ARB2A: variants seen among roughly 807,000 people sequenced by gnomAD.
ARB2A encodes the protein cotranscriptional regulator ARB2A.
At chr5:93,687,242 T>A in the ARB2A span, among the ~76,000 whole-genome samples, 1 of 152,282 alleles carries the variant, frequency 6.6e-6, no homozygotes, top group South Asian at 2.1e-4. Context: ...ATTTAATTGA[T>A]TTTTTGCAGA....
chr5:93,767,180 AAAGTAT>A, the ARB2A span, among the ~76,000 whole-genome samples: 2 of 152,296 alleles, frequency 1.3e-5, no homozygotes, highest in Admixed American at 6.5e-5. Flanking sequence ...CTTAAAACTT[AAAGTAT>A]AATAAAGAAA....
At chr5:93,964,467 T>C in the ARB2A span, 169 of 1,569,904 alleles carry the variant, frequency 1.1e-4, no homozygotes, top group Non-Finnish European at 1.4e-4. Flanking sequence ...CTGGAATAGA[T>C]ACTTTTTTCA....
At chr5:93,890,406 T>C in the ARB2A span, among the ~76,000 whole-genome samples, 2 of 151,936 alleles carry the variant, frequency 1.3e-5, no homozygotes, top group South Asian at 4.2e-4. Context: ...CACTTAATAA[T>C]GTTCTTTTCA....
the ARB2A span, among the ~76,000 whole-genome samples, chr5:93,986,988 G>A: frequency 9.9e-5 from 15 of 150,958 alleles, no homozygotes; most frequent in African/African-American, 3.2e-4. Flanking sequence ...CCCCCTCTCC[G>A]AGAAACACCC....
chr5:93,727,741 T>C, the ARB2A span, among the ~76,000 whole-genome samples: 1 of 152,018 alleles, frequency 6.6e-6, no homozygotes, highest in African/African-American at 2.4e-5. Flanking sequence ...GAGATATTCT[T>C]AAGAAATAGA....
At chr5:93,977,247 C>G in the ARB2A span, among the ~76,000 whole-genome samples, 11 of 151,776 alleles carry the variant, frequency 7.2e-5, no homozygotes, top group African/African-American at 2.7e-4. Flanking sequence ...TTAGAAAAAG[C>G]TATTCTAAAA....
At chr5:93,946,744 C>T in the ARB2A span, among the ~76,000 whole-genome samples, 1 of 152,202 alleles carries the variant, frequency 6.6e-6, no homozygotes, top group East Asian at 1.9e-4. Flanking sequence ...GATACTATGT[C>T]TTGGTTTTAC....
chr5:94,024,105 T>C, the ARB2A span, among the ~76,000 whole-genome samples: 2 of 152,180 alleles, frequency 1.3e-5, no homozygotes, highest in African/African-American at 4.8e-5. Flanking sequence ...TTATATGTGA[T>C]GGTTAATTTT....
At chr5:93,719,944 C>T in the ARB2A span, among the ~76,000 whole-genome samples, 76 of 152,284 alleles carry the variant, frequency 5.0e-4, no homozygotes, top group African/African-American at 1.7e-3. Context: ...GTAGGTTCCT[C>T]CTCTTCCAGT....
the ARB2A span, among the ~76,000 whole-genome samples, chr5:94,055,360 T>C: frequency 2.0e-5 from 3 of 152,140 alleles, no homozygotes; most frequent in Non-Finnish European, 2.9e-5. Flanking sequence ...CTCACAGAAA[T>C]ATAACAAATC....
At chr5:93,750,937 G>T in the ARB2A span, among the ~76,000 whole-genome samples, 10 of 152,048 alleles carry the variant, frequency 6.6e-5, no homozygotes, top group Non-Finnish European at 1.3e-4. Context: ...TCCTTGAAGA[G>T]AATTTTTAAA....
chr5:93,980,898 C>T, the ARB2A span, among the ~76,000 whole-genome samples: 2 of 151,816 alleles, frequency 1.3e-5, no homozygotes, highest in South Asian at 4.1e-4. Flanking sequence ...AGATAATATG[C>T]CTATAGCTCT....
chr5:93,641,223 C>A, the ARB2A span, among the ~76,000 whole-genome samples: 1 of 151,272 alleles, frequency 6.6e-6, no homozygotes, highest in African/African-American at 2.4e-5. Context: ...AATTATGAGG[C>A]CATGAAAGTT....
chr5:94,042,875 G>A, the ARB2A span, among the ~76,000 whole-genome samples: 1 of 152,050 alleles, frequency 6.6e-6, no homozygotes, highest in Non-Finnish European at 1.5e-5. Context: ...TTACAAAATT[G>A]TGTAAGATGC....
the ARB2A span, among the ~76,000 whole-genome samples, chr5:93,715,656 T>TA: frequency 2.0e-5 from 3 of 151,922 alleles, no homozygotes; most frequent in South Asian, 2.1e-4. Flanking sequence ...TTTTTTTTTT[T>TA]TTATTAGGGA....
At chr5:93,759,497 A>C in the ARB2A span, among the ~76,000 whole-genome samples, 5 of 152,234 alleles carry the variant, frequency 3.3e-5, no homozygotes, top group Non-Finnish European at 7.3e-5. Context: ...TAAAATCTTT[A>C]ACAAAATACT....
the ARB2A span, among the ~76,000 whole-genome samples, chr5:93,971,812 C>T: frequency 4.6e-5 from 7 of 151,950 alleles, no homozygotes; most frequent in African/African-American, 1.4e-4. Context: ...GGGGATAGTG[C>T]CCCACCAGGT....
the ARB2A span, among the ~76,000 whole-genome samples, chr5:93,972,130 C>T: frequency 6.6e-6 from 1 of 152,150 alleles, no homozygotes; most frequent in East Asian, 1.9e-4. Context: ...AGTGGCTTCA[C>T]CCCTACTGAA....
At chr5:94,038,773 G>A in the ARB2A span, among the ~76,000 whole-genome samples, 5 of 150,216 alleles carry the variant, frequency 3.3e-5, no homozygotes, top group African/African-American at 1.2e-4. Flanking sequence ...GTAGCGCTCA[G>A]CTAAAGACAA....
Sources: gnomAD v4.1 joint callset for allele counts (sites outside exome capture counted in the v4.1 genomes callset) on GRCh38, gnomAD v4.1.1 for gene constraint, MANE v1.5 for transcripts, NCBI Gene and HGNC (gene_info 2026-07-23, HGNC 2026-07-21) for gene names.